Variants in PCSK5 observed in about 807,000 individuals in gnomAD.
PCSK5 encodes the protein proprotein convertase subtilisin/kexin type 5.
A neutral mutation model predicts 233.2 loss-of-function variants in PCSK5; 129 were observed. The ratio of observed to expected loss-of-function variants is 0.55; its 90% CI spans 0.48 to 0.64. The LOEUF (loss-of-function observed/expected upper bound fraction) is 0.64. Among genes scored for constraint, PCSK5 ranks in the 30% least tolerant of loss-of-function variants. PCSK5 has a pLI of 0.00. For synonymous variants in PCSK5, 825 were observed against 879.2 expected (o/e 0.94, Z 1.09); for missense variants, 2,076 against 2,430.1 (o/e 0.85, Z 3.06).
chr9:76,362,203 A>G lies in PCSK5; in HGVS notation c.*3281A>G, dbSNP rs1011821698. The G allele has an allele frequency of 6.6e-6, 1 of 152,202 alleles. No homozygotes were observed. The highest frequency in any genetic ancestry group is 2.4e-5 in the African/African-American group (1 of 41,446). 9.4% of individuals were successfully genotyped at this position (152,202 alleles called of 1,614,324 possible). A position where few individuals can be genotyped will look rare whatever the true frequency, so the allele number is the denominator to read the frequency against. On this transcript the variant is annotated 3_prime_UTR_variant, in exon 38 of 38. Transcript: ENST00000674117. The stretch of plus-strand genomic sequence containing the variant: ...AAATATGTGATTGGAAAACAAAGTC[A>G]CCTTTTAGTTTTCTACTTGGAAATA...
chr9:76,040,357 C>CTT lies in PCSK5; in HGVS notation c.632+13321_632+13322insTT, dbSNP rs1563988522. On this transcript the variant is annotated intron_variant, in intron 5 of 37. Coordinates refer to ENST00000674117, the MANE Select transcript of PCSK5 (RefSeq NM_001372043.1). ...TCTCTCTCTCTCTCTCTCTCTCTCT[C>CTT]TCTCTCTCTCTCTCTCTCTCTCTCT... Among the ~76,000 whole-genome samples, 316 of 63,230 alleles carry CTT rather than the reference C, an allele frequency of 5.0e-3. 1 individual carries two copies. Among genetic ancestry groups the CTT allele is most frequent in the Admixed American group, 0.015 (75 of 4,946 alleles). 41.5% of individuals were successfully genotyped at this position (63,230 alleles called of 152,430 possible). A position where few individuals can be genotyped will look rare whatever the true frequency, so the allele number is the denominator to read the frequency against.
intron 9 of PCSK5, among the ~76,000 whole-genome samples, chr9:76,132,348 CA>C (rs1314085994): frequency 6.6e-6 from 1 of 152,080 alleles, no homozygotes; most frequent in Non-Finnish European, 1.5e-5. Flanking sequence ...TGATTCCTAA[CA>C]AGTGCTGTAT....
intron 3 of PCSK5, among the ~76,000 whole-genome samples, chr9:76,016,308 T>A (rs190013787): frequency 4.6e-5 from 7 of 152,352 alleles, no homozygotes; most frequent in Admixed American, 4.6e-4. Flanking sequence ...ATTGCTTGTC[T>A]GTTGCATGGA....
intron 36 of PCSK5, among the ~76,000 whole-genome samples, chr9:76,352,459 GCCT>G (rs1830191584): frequency 6.6e-6 from 1 of 152,114 alleles, no homozygotes; most frequent in African/African-American, 2.4e-5. Context: ...GTAAGTTTCA[GCCT>G]TATTTTACCC....
intron 24 of PCSK5, among the ~76,000 whole-genome samples, chr9:76,243,986 G>C (rs1052764347): frequency 3.3e-5 from 5 of 152,216 alleles, no homozygotes; most frequent in African/African-American, 1.2e-4. Context: ...CACTTTGAAA[G>C]GCCAAGGTGG....
intron 8 of PCSK5, among the ~76,000 whole-genome samples, chr9:76,101,649 G>A (rs1831763069): frequency 6.6e-6 from 1 of 152,138 alleles, no homozygotes; most frequent in African/African-American, 2.4e-5. Context: ...TCCTGGGAGG[G>A]GTTCTCTGAG....
At chr9:76,168,564 G>T (rs2131839933) in intron 12 of PCSK5, among the ~76,000 whole-genome samples, 1 of 152,262 alleles carries the variant, frequency 6.6e-6, no homozygotes, top group African/African-American at 2.4e-5. Context: ...GCAGGAAACA[G>T]AATAATTCTA....
At chr9:76,076,035 C>T (rs1830633934) in intron 7 of PCSK5, among the ~76,000 whole-genome samples, 1 of 152,172 alleles carries the variant, frequency 6.6e-6, no homozygotes, top group African/African-American at 2.4e-5. Flanking sequence ...TGAGGGAAAG[C>T]ACAGCTGCCT....
chr9:76,322,315 A>G (rs561967609), intron 31 of PCSK5, among the ~76,000 whole-genome samples: 1 of 152,328 alleles, frequency 6.6e-6, no homozygotes, highest in Admixed American at 6.5e-5. Flanking sequence ...AGAGGTAGCT[A>G]GAAAACTGCA....
chr9:76,309,034 A>G (rs1256461226), intron 29 of PCSK5, among the ~76,000 whole-genome samples: 1 of 152,134 alleles, frequency 6.6e-6, no homozygotes, highest in East Asian at 1.9e-4. Flanking sequence ...CCTGGGAAAC[A>G]TAGTGAGACC....
At chr9:76,150,096 G>T (rs1823606085) in intron 10 of PCSK5, among the ~76,000 whole-genome samples, 1 of 152,106 alleles carries the variant, frequency 6.6e-6, no homozygotes, top group African/African-American at 2.4e-5. Context: ...GTGGAGAAGA[G>T]GAGCTCAGCA....
At chr9:75,947,440 C>A (rs2275557) in intron 2 of PCSK5, among the ~76,000 whole-genome samples, 1 of 151,836 alleles carries the variant, frequency 6.6e-6, no homozygotes, top group Admixed American at 6.6e-5. Flanking sequence ...TTAATCCTTT[C>A]GCAAAGCTAA....
At chr9:75,987,414 TGTG>T (rs1222487782) in intron 3 of PCSK5, among the ~76,000 whole-genome samples, 1 of 152,122 alleles carries the variant, frequency 6.6e-6, no homozygotes, top group Non-Finnish European at 1.5e-5. Context: ...CCATTGGACT[TGTG>T]GGGGGGCGGG....
chr9:76,272,772 T>A (rs1488647336), intron 24 of PCSK5, among the ~76,000 whole-genome samples: 1 of 10,006 alleles, frequency 1.0e-4, no homozygotes, highest in Non-Finnish European at 1.9e-4. Flanking sequence ...AGACTCCATC[T>A]CAAAAAAAAA....
chr9:76,057,559 C>A (rs918663263), intron 5 of PCSK5, among the ~76,000 whole-genome samples: 2 of 152,108 alleles, frequency 1.3e-5, no homozygotes, highest in Admixed American at 6.5e-5. Context: ...CAGATAATTT[C>A]ACTCTCTCCC....
In PCSK5 at chr9:76,188,644, G is replaced by A. The variant is rs760912793; in HGVS notation, c.2349G>A (p.Gln783=). 1.5e-5 allele frequency: 25 copies of A among 1,613,710 alleles called. No individual in the cohort carries two copies. The Admixed American group carries it at 4.2e-4, about 27-fold the overall frequency. The stretch of plus-strand genomic sequence containing the variant: ...GGTATTTCAACGGCCAGGACTGCCA[G>A]CCCTGCCACCGCTTCTGCGCCACTT... The part of the protein sequence containing the change: ...DGRYFNGQDC[Q]PCHRFCATCA... Residue 783 remains glutamine, a synonymous_variant, in exon 18 of 38, where the codon CAG becomes CAA. Transcript: ENST00000674117.
In PCSK5 at chr9:76,071,434, CAA is replaced by C. The variant is rs543190546; in HGVS notation, c.722-291_722-290del. ...AAGATCTCTTTGTCAAGTACTCACT[CAA>C]GAGAGGGATGAGAAGGGAGAGACTG... On this transcript the variant is annotated intron_variant, in intron 6 of 37. Coordinates refer to ENST00000674117, the MANE Select transcript of PCSK5 (RefSeq NM_001372043.1). 4.8e-3 allele frequency among the ~76,000 whole-genome samples: 733 copies of C among 152,090 alleles called. 9 individuals carry two copies. Among genetic ancestry groups the C allele is most frequent in the African/African-American group, 0.017 (700 of 41,488 alleles).
intron 26 of PCSK5, among the ~76,000 whole-genome samples, chr9:76,295,733 G>A (rs972380139): frequency 1.3e-5 from 2 of 152,208 alleles, no homozygotes; most frequent in Non-Finnish European, 2.9e-5. Context: ...GGCATATTGA[G>A]AGCTCTGACC....
intron 7 of PCSK5, among the ~76,000 whole-genome samples, chr9:76,092,036 G>T (rs1831312655): frequency 6.6e-6 from 1 of 151,966 alleles, no homozygotes; most frequent in Non-Finnish European, 1.5e-5. Context: ...CCTTCTTAGT[G>T]GTATCTTCCA....
Sources: gnomAD v4.1 joint callset for allele counts (sites outside exome capture counted in the v4.1 genomes callset) on GRCh38, gnomAD v4.1.1 for gene constraint, MANE v1.5 for transcripts, NCBI Gene and HGNC (gene_info 2026-07-23, HGNC 2026-07-21) for gene names.